The following HELT variants were observed in gnomAD, a reference collection of about 807,000 sequenced individuals.
The protein encoded by HELT is hairy and enhancer of split-related protein HELT.
HELT carries 9 observed loss-of-function variants against 19.5 expected under a neutral mutation model. That is an observed-to-expected ratio of 0.46 (90% CI 0.28 to 0.80). HELT has a LOEUF of 0.80. HELT is among the 30% of genes least tolerant of loss of function. The probability of loss-of-function intolerance (pLI) is 0.12; values close to 1 mark genes in which losing one functional copy is unlikely to be tolerated. For missense variants in HELT, 366 were observed against 326.3 expected (o/e 1.12, Z -0.94); for synonymous variants, 162 against 148.3 (o/e 1.09, Z -0.67).
In HELT at chr4:185,020,658, C is replaced by T. The variant is rs367616858; in HGVS notation, c.615C>T (p.His205=). ...PVPLASPAQQ[H]SPFLTPVQGL... is the part of the protein sequence containing the mutation. ...CGCTCGCTAGCCCAGCGCAGCAGCA[C>T]AGCCCCTTCCTGACACCGGTGCAGG... The change falls in exon 4 of 4, where the codon CAC becomes CAT. Residue 205 remains histidine (H), a synonymous_variant. Transcript: ENST00000515777. 2 of 1,604,486 alleles carry T rather than the reference C, an allele frequency of 1.2e-6. No homozygotes were observed. Among genetic ancestry groups the T allele is most frequent in the African/African-American group, 2.7e-5 (2 of 74,716 alleles).
In HELT at chr4:185,019,476, G is replaced by A; in HGVS notation, c.117G>A (p.Met39Ile). ...ACGAGCTGGGCAAGACAGTGCCCAT[G>A]GCCTTGGCGAAGCAGGTAACGTTGG... ...CLNELGKTVP[M>I]ALAKQSSGKL... The change falls in exon 2 of 4, where the codon ATG becomes ATA. Residue 39 changes from methionine to isoleucine, a missense_variant. Met to Ile is a conservative substitution (Grantham distance 10). Coordinates refer to ENST00000515777, the MANE Select transcript of HELT (RefSeq NM_001300781.2). 8 of 1,610,622 alleles carry A rather than the reference G, an allele frequency of 5.0e-6. No individual in the cohort carries two copies. Among genetic ancestry groups the A allele is most frequent in the Non-Finnish European group, 6.8e-6 (8 of 1,178,286 alleles).
At position 185,020,442 on chromosome 4, in the gene HELT, C is replaced by T. The variant is rs748552551; in HGVS notation, c.399C>T (p.Ala133=). The part of the protein sequence containing the change: ...QSKARLGAEP[A]FPPLGSLPEP... Reference sequence around the variant, plus strand: ...AGGCCCGCCTGGGCGCGGAGCCCGCCTTTCCGCCGCTGGGTTCGCTCCCGG... The same window carrying T: ...AGGCCCGCCTGGGCGCGGAGCCCGCTTTTCCGCCGCTGGGTTCGCTCCCGG... The change falls in exon 4 of 4, where the codon GCC becomes GCT. Residue 133 remains alanine, a synonymous_variant. Transcript: ENST00000515777. 4 of 1,613,958 alleles carry T rather than the reference C, an allele frequency of 2.5e-6. No homozygotes were observed. Among genetic ancestry groups the T allele is most frequent in the East Asian group, 2.2e-5 (1 of 44,890 alleles).
At position 185,019,800 on chromosome 4, in the gene HELT, G is replaced by A; in HGVS notation, c.186G>A (p.Leu62=). The change falls in exon 3 of 4, where the codon CTG becomes CTA. Residue 62 remains leucine (L), a synonymous_variant. Coordinates refer to ENST00000515777, the MANE Select transcript of HELT (RefSeq NM_001300781.2). ...TCCTCGAGATGACCGTTCAGTACCT[G>A]AGAGCACTGCACTCCGCTGATTTTC... The part of the protein sequence containing the change: ...AEILEMTVQY[L]RALHSADFPR... 2 of 1,613,866 alleles carry A rather than the reference G, an allele frequency of 1.2e-6. No homozygotes were observed. The highest frequency in any genetic ancestry group is 1.7e-4 in the Middle Eastern group (1 of 6,060).
At chr4:185,020,252 C>A (rs376244637) in intron 3 of HELT, 21 bp from the exon 4 acceptor site, 1 of 1,606,250 alleles carries the variant, frequency 6.2e-7, no homozygotes, top group South Asian at 1.1e-5. Flanking sequence ...GTCCGTCCTA[C>A]GGGCTTTCTC....
chr4:185,019,034 C>T (rs1733978539), intron 1 of HELT, 79 bp downstream of exon 1: 1 of 1,614,014 alleles, frequency 6.2e-7, no homozygotes, highest in Non-Finnish European at 8.5e-7. Flanking sequence ...CTTGGGTGGA[C>T]CGATGGCAGG....
In HELT at chr4:185,018,666, C is replaced by T. The variant is rs993872424; in HGVS notation, c.-263C>T. On this transcript the variant is annotated 5_prime_UTR_variant, in exon 1 of 4. Coordinates refer to ENST00000515777, the MANE Select transcript of HELT (RefSeq NM_001300781.2). The stretch of plus-strand genomic sequence containing the variant: ...CAAAGCTGATCTGCCCCCAGCTCGC[C>T]CCCCTCGGCTGCTAATTTTTTTTTT... Among the ~76,000 whole-genome samples, 37 of 152,278 alleles carry T rather than the reference C, an allele frequency of 2.4e-4. No homozygotes were observed. Among genetic ancestry groups the T allele is most frequent in the Admixed American group, 7.2e-4 (11 of 15,306 alleles).
chr4:185,019,908 C>G, intron 3 of HELT, 65 bp downstream of exon 3: 1 of 1,409,818 alleles, frequency 7.1e-7, no homozygotes, highest in Non-Finnish European at 9.9e-7. Context: ...GACCCTGGGG[C>G]TGGGAGGGGA....
At chr4:185,019,677 C>T in intron 2 of HELT, 70 bp from the exon 3 acceptor site, 1 of 1,610,934 alleles carries the variant, frequency 6.2e-7, no homozygotes, top group Non-Finnish European at 8.5e-7. Flanking sequence ...GCTCGCTGGT[C>T]CTCTCCAGCG....
intron 2 of HELT, 86 bp from the exon 3 acceptor site, chr4:185,019,661 G>T: frequency 6.2e-7 from 1 of 1,609,142 alleles, no homozygotes; most frequent in Non-Finnish European, 8.5e-7. Flanking sequence ...ATCCGCAGCC[G>T]CGTCCGCTCG....
Position 185,018,922 on chromosome 4 carries a change from G to A in HELT, c.-7G>A, listed in dbSNP as rs777700570. On this transcript the variant is annotated 5_prime_UTR_variant, in exon 1 of 4. Transcript: ENST00000515777. Reference sequence around the variant, plus strand: ...ACCGCCTCTCCCGAGGGCGCGTACTGACCAGGATGTCAGACAAGCTCAAGG... The same window carrying A: ...ACCGCCTCTCCCGAGGGCGCGTACTAACCAGGATGTCAGACAAGCTCAAGG... 19 of 1,601,828 alleles carry A rather than the reference G, an allele frequency of 1.2e-5. No individual in the cohort carries two copies. Among genetic ancestry groups the A allele is most frequent in the Non-Finnish European group, 1.5e-5 (18 of 1,172,490 alleles).
intron 3 of HELT, 108 bp downstream of exon 3, chr4:185,019,951 C>A: frequency 9.6e-7 from 1 of 1,039,172 alleles, no homozygotes. Flanking sequence ...TCTACTAGAG[C>A]TCCACTCTCC....
rs199980242 is a variant in HELT at position 185,019,631 on chromosome 4, C to A, written c.133-116C>A. On this transcript the variant is annotated intron_variant, in intron 2 of 3. Transcript: ENST00000515777. ...CGGGGGGCCTGAGCGCAGGGCGAAC[C>A]TCAGGAGGCTCTGGCGCAGATCCGC... 118 of 1,603,044 alleles carry A rather than the reference C, an allele frequency of 7.4e-5. No homozygotes were observed. The African/African-American group carries it at 1.3e-3, about 18-fold the overall frequency.
At chr4:185,018,991 G>A in intron 1 of HELT, 36 bp downstream of exon 1, 1 of 1,614,058 alleles carries the variant, frequency 6.2e-7, no homozygotes, top group Non-Finnish European at 8.5e-7. Flanking sequence ...CTTGCGCCCT[G>A]GTGGTGGAGG....
chr4:185,020,174 C>T, intron 3 of HELT, 99 bp from the exon 4 acceptor site: 1 of 1,520,562 alleles, frequency 6.6e-7, no homozygotes, highest in Non-Finnish European at 8.9e-7. Context: ...GAACTTTGGC[C>T]AGAAAATGTG....
rs373092685 is a variant in HELT, at chr4:185,020,354, C to A, written c.311C>A (p.Thr104Lys). 2.5e-6 allele frequency: 4 copies of A among 1,614,106 alleles called. No individual in the cohort carries two copies. The highest frequency in any genetic ancestry group is 3.4e-6 in the Non-Finnish European group (4 of 1,180,046). Residue 104 changes from threonine (T) to lysine (K), a missense_variant, in exon 4 of 4, where the codon ACG becomes AAG. Coordinates refer to ENST00000515777, the MANE Select transcript of HELT (RefSeq NM_001300781.2). ...CMKNLVHYLT[T>K]VERMETKDTK... ...AAGAACCTGGTGCATTACCTCACCACGGTGGAGCGGATGGAGACCAAGGAC... is the reference window on the plus strand; with the variant it reads ...AAGAACCTGGTGCATTACCTCACCAAGGTGGAGCGGATGGAGACCAAGGAC...
rs773651805 is a variant in HELT, at chr4:185,020,447, C to T, written c.404C>T (p.Pro135Leu). ...KARLGAEPAF[P>L]PLGSLPEPDF... ...CGCCTGGGCGCGGAGCCCGCCTTTC[C>T]GCCGCTGGGTTCGCTCCCGGAGCCG... Residue 135 changes from proline (P) to leucine (L), a missense_variant, in exon 4 of 4, where the codon CCG (proline) becomes CTG (leucine). Physicochemically the swap from Pro to Leu is moderately conservative, Grantham distance 98. Coordinates refer to ENST00000515777, the MANE Select transcript of HELT (RefSeq NM_001300781.2). The T allele has an allele frequency of 2.5e-6, 4 of 1,614,064 alleles. No homozygotes were observed. Among genetic ancestry groups the T allele is most frequent in the Non-Finnish European group, 3.4e-6 (4 of 1,180,048 alleles).
At chr4:185,019,685 G>A (rs1360565549) in intron 2 of HELT, 62 bp from the exon 3 acceptor site, 2 of 1,611,240 alleles carry the variant, frequency 1.2e-6, no homozygotes, top group African/African-American at 1.3e-5. Context: ...GTCCTCTCCA[G>A]CGCCACAGTG....
At chr4:185,019,305 G>C in intron 1 of HELT, 82 bp from the exon 2 acceptor site, 1 of 1,251,700 alleles carries the variant, frequency 8.0e-7, no homozygotes, top group Non-Finnish European at 1.1e-6. Context: ...CTGGAGAGGC[G>C]GCTTGCACCC....
At position 185,020,913 on chromosome 4, in the gene HELT, A is replaced by T. The variant is rs189278165; in HGVS notation, c.*141A>T. The T allele has an allele frequency of 2.6e-4, 263 of 1,002,856 alleles. 3 individuals are homozygous for T. In the Admixed American group the frequency reaches 8.1e-3, roughly 31 times the overall value. 62.1% of individuals were successfully genotyped at this position (1,002,856 alleles called of 1,614,324 possible). A position where few individuals can be genotyped will look rare whatever the true frequency, so the allele number is the denominator to read the frequency against. On this transcript the variant is annotated 3_prime_UTR_variant, in exon 4 of 4. Transcript: ENST00000515777. ...AAAGAGCGAATGAGTCTTCTGAAGG[A>T]TCTCCCCCTGGTAATAAACGTTTTC...
Sources: gnomAD v4.1 joint callset for allele counts (sites outside exome capture counted in the v4.1 genomes callset) on GRCh38, gnomAD v4.1.1 for gene constraint, MANE v1.5 for transcripts, NCBI Gene and HGNC (gene_info 2026-07-23, HGNC 2026-07-21) for gene names.